NRG2: variants seen among roughly 807,000 people sequenced by gnomAD.
NRG2 encodes pro-neuregulin-2, membrane-bound isoform.
Under a neutral mutation model 73.9 loss-of-function variants are expected in NRG2, and 27 were observed. The ratio of observed to expected loss-of-function variants is 0.37; its 90% CI spans 0.27 to 0.50. The LOEUF is 0.50. Among genes scored for constraint, NRG2 ranks in the 20% least tolerant of loss-of-function variants. The pLI is 0.96. For synonymous variants in NRG2, 532 were observed against 541.0 expected (o/e 0.98, Z 0.23); for missense variants, 1,126 against 1,210.1 (o/e 0.93, Z 1.03).
At chr5:139,901,975 C>T (rs192859672) in intron 1 of NRG2, among the ~76,000 whole-genome samples, 45 of 152,346 alleles carry the variant, frequency 3.0e-4, no homozygotes, top group Non-Finnish European at 4.6e-4. Flanking sequence ...TGCAGGCTTA[C>T]GCTCTGCCCT....
At chr5:139,952,198 T>C (rs6580319) in intron 1 of NRG2, among the ~76,000 whole-genome samples, 1,846 of 152,326 alleles carry the variant, frequency 0.012, 30 homozygotes, top group African/African-American at 0.042. Flanking sequence ...TAAATGCAGT[T>C]TCCTTTTCCT....
intron 1 of NRG2, among the ~76,000 whole-genome samples, chr5:139,961,896 T>C (rs193047064): frequency 2.4e-4 from 37 of 152,268 alleles, no homozygotes; most frequent in Middle Eastern, 3.4e-3. Flanking sequence ...TGCAAACTCA[T>C]CCAGCCTCAA....
Position 140,036,403 on chromosome 5 carries a change from G to A in NRG2, c.700+5967C>T, listed in dbSNP as rs189177310. On this transcript the variant is annotated intron_variant, in intron 1 of 9. Coordinates refer to ENST00000361474, the MANE Select transcript of NRG2 (RefSeq NM_004883.3). ...CATGTCATCCTAATACCTTTTAATCGTCCTCTATGTGTGCTTCAGTTCTTA... is the reference window on the plus strand; with the variant it reads ...CATGTCATCCTAATACCTTTTAATCATCCTCTATGTGTGCTTCAGTTCTTA... Among the ~76,000 whole-genome samples, 150 of 152,188 alleles carry A rather than the reference G, an allele frequency of 9.9e-4. 1 individual carries two copies. The South Asian group carries it at 0.011, about 11-fold the overall frequency.
intron 1 of NRG2, among the ~76,000 whole-genome samples, chr5:139,959,792 C>T (rs532804601): frequency 1.3e-5 from 2 of 152,294 alleles, no homozygotes; most frequent in African/African-American, 4.8e-5. Context: ...GGATTACAGG[C>T]GTGAGCCACC....
chr5:139,978,578 C>T (rs528866062), intron 1 of NRG2, among the ~76,000 whole-genome samples: 19 of 152,202 alleles, frequency 1.2e-4, no homozygotes, highest in African/African-American at 1.9e-4. Flanking sequence ...CATTTGACCC[C>T]GCCATCCCAT....
In NRG2 at chr5:139,870,621, C is replaced by G. The variant is rs552080726; in HGVS notation, c.1112+1100G>C. Among the ~76,000 whole-genome samples the G allele has an allele frequency of 6.6e-6, 1 of 152,294 alleles. No individual in the cohort carries two copies. The highest frequency in any genetic ancestry group is 6.5e-5 in the Admixed American group (1 of 15,302). ...GAATCCCCATCAATGTTTTGGTGGCCTTTGCCCAGATGCCATGGGAATGGG... is the reference window on the plus strand; with the variant it reads ...GAATCCCCATCAATGTTTTGGTGGCGTTTGCCCAGATGCCATGGGAATGGG... On this transcript the variant is annotated intron_variant, in intron 4 of 9. Coordinates refer to ENST00000361474, the MANE Select transcript of NRG2 (RefSeq NM_004883.3). This position sits in a 1 kb window ranked among gnomAD's most constrained non-coding sequence, Gnocchi z 4.4.
At chr5:139,976,171 G>T (rs975085845) in intron 1 of NRG2, among the ~76,000 whole-genome samples, 1 of 152,116 alleles carries the variant, frequency 6.6e-6, no homozygotes, top group Non-Finnish European at 1.5e-5. Flanking sequence ...CAGTACTCTG[G>T]GACACTCTCG....
chr5:139,996,225 G>C (rs1167860504), intron 1 of NRG2, among the ~76,000 whole-genome samples: 1 of 152,166 alleles, frequency 6.6e-6, no homozygotes, highest in East Asian at 1.9e-4. Context: ...ACTGTACATA[G>C]TACTTTGGAA....
At chr5:139,939,415 C>A (rs1252811602) in intron 1 of NRG2, among the ~76,000 whole-genome samples, 1 of 152,002 alleles carries the variant, frequency 6.6e-6, no homozygotes, top group Non-Finnish European at 1.5e-5. Context: ...GCTGGGATTA[C>A]AGGCATGAGC....
At chr5:139,895,005 GA>G (rs1764461974) in intron 1 of NRG2, among the ~76,000 whole-genome samples, 1 of 152,232 alleles carries the variant, frequency 6.6e-6, no homozygotes, top group Non-Finnish European at 1.5e-5. Context: ...GGCAGATAAA[GA>G]AGAAGGGGAA....
intron 3 of NRG2, among the ~76,000 whole-genome samples, chr5:139,873,267 G>A (rs994602432): frequency 5.3e-5 from 8 of 152,206 alleles, no homozygotes; most frequent in Admixed American, 1.3e-4. Context: ...CTCCCTCCTC[G>A]GCTCAACCCC....
intron 4 of NRG2, among the ~76,000 whole-genome samples, chr5:139,867,528 A>G (rs1460386702): frequency 6.6e-6 from 1 of 152,160 alleles, no homozygotes; most frequent in African/African-American, 2.4e-5. Flanking sequence ...GGTAGTGGCT[A>G]AGGCTTCCCA....
intron 1 of NRG2, among the ~76,000 whole-genome samples, chr5:140,016,862 T>C (rs1348981988): frequency 2.0e-5 from 3 of 151,872 alleles, no homozygotes; most frequent in African/African-American, 7.3e-5. Flanking sequence ...TGGCCAAGGG[T>C]GGAGTGTGGA....
At chr5:139,983,881 C>A (rs1015055403) in intron 1 of NRG2, among the ~76,000 whole-genome samples, 1 of 152,080 alleles carries the variant, frequency 6.6e-6, no homozygotes, top group Non-Finnish European at 1.5e-5. Context: ...GCTTTCTTAC[C>A]ATAAATGATT....
intron 5 of NRG2, among the ~76,000 whole-genome samples, chr5:139,862,098 GTT>G (rs1216390754): frequency 3.3e-4 from 51 of 152,338 alleles, no homozygotes; most frequent in Non-Finnish European, 5.9e-5. Flanking sequence ...TGCCCACTGA[GTT>G]TCTGGGCAGG....
chr5:139,859,457 A>T (rs1424759580), intron 5 of NRG2, among the ~76,000 whole-genome samples: 1 of 152,216 alleles, frequency 6.6e-6, no homozygotes, highest in South Asian at 2.1e-4. Context: ...AGTCAAATGG[A>T]AAGGGATGCC....
chr5:139,938,665 T>C (rs1245053106), intron 1 of NRG2, among the ~76,000 whole-genome samples: 3 of 151,934 alleles, frequency 2.0e-5, no homozygotes, highest in African/African-American at 4.8e-5. Flanking sequence ...CCTCAAGATA[T>C]ATTATAAAGT....
In NRG2 at chr5:139,865,502, G is replaced by A. The variant is rs773845515; in HGVS notation, c.1189+47C>T. The A allele has an allele frequency of 6.7e-7, 1 of 1,498,072 alleles. No individual in the cohort carries two copies. Among genetic ancestry groups the A allele is most frequent in the Non-Finnish European group, 9.3e-7 (1 of 1,077,446 alleles). The allele number at this position is 1,498,072 out of a possible 1,614,324, so 92.8% of individuals were successfully genotyped here. A position where few individuals can be genotyped will look rare whatever the true frequency, so the allele number is the denominator to read the frequency against. On this transcript the variant is annotated intron_variant, in intron 5 of 9. Coordinates refer to ENST00000361474, the MANE Select transcript of NRG2 (RefSeq NM_004883.3). This position sits in a 1 kb window ranked among gnomAD's most constrained non-coding sequence, Gnocchi z 5.2. ...CCCTACATTGGGGGGACTGCACCCA[G>A]AAGCTTTCTAAGGAGCAGGGACTTG...
chr5:139,984,187 T>C (rs1457232835), intron 1 of NRG2, among the ~76,000 whole-genome samples: 1 of 152,152 alleles, frequency 6.6e-6, no homozygotes, highest in Non-Finnish European at 1.5e-5. Flanking sequence ...TAAAGATTTA[T>C]ACACAAGGCT....
Sources: allele counts gnomAD v4.1 joint callset (sites outside exome capture counted in the v4.1 genomes callset), GRCh38; gene constraint gnomAD v4.1.1; non-coding constraint Gnocchi (gnomAD v3.1); transcripts MANE v1.5; gene names NCBI Gene and HGNC (gene_info 2026-07-23, HGNC 2026-07-21).